Variants in PRKAR2A observed in about 807,000 individuals in gnomAD.
The protein encoded by PRKAR2A is protein kinase cAMP-dependent type II regulatory subunit alpha.
In PRKAR2A, 29 loss-of-function variants were observed where a neutral mutation model predicts 51.9. The observed-to-expected ratio is 0.56, with a 90% confidence interval of 0.42 to 0.76. The LOEUF (loss-of-function observed/expected upper bound fraction) is 0.76, where lower values mean the gene tolerates loss of function less well. Among genes scored for constraint, PRKAR2A ranks in the 30% least tolerant of loss-of-function variants. The pLI is 0.00. For synonymous variants in PRKAR2A, 178 were observed against 186.2 expected, an observed-to-expected ratio of 0.96 and a Z score of 0.36; for missense variants, 445 against 512.1, an observed-to-expected ratio of 0.87 and a Z score of 1.26.
rs201893828 is a variant in PRKAR2A, at chr3:48,786,128, G to T, written c.436-3036C>A. Among the ~76,000 whole-genome samples the T allele has an allele frequency of 1.0e-3, 137 of 135,334 alleles. 2 individuals are homozygous for T. The Middle Eastern group carries it at 0.019, about 19-fold the overall frequency. 88.8% of individuals were successfully genotyped at this position (135,334 alleles called of 152,430 possible). A position where few individuals can be genotyped will look rare whatever the true frequency, so the allele number is the denominator to read the frequency against. On this transcript the variant is annotated intron_variant, in intron 4 of 10. Transcript: ENST00000265563. ...TCTGGCAGTTTTTTGGTTTTTTTTT[G>T]TTTTTTTTTTTTTTGAGACAGAGTC...
chr3:48,838,761 G>C (rs900972033), intron 1 of PRKAR2A, among the ~76,000 whole-genome samples: 5 of 145,314 alleles, frequency 3.4e-5, no homozygotes, highest in Non-Finnish European at 7.5e-5. Context: ...GGCGGATCAC[G>C]AGGTCAGGAG....
At chr3:48,764,935 G>T in intron 8 of PRKAR2A, 69 bp downstream of exon 8, 1 of 1,420,456 alleles carries the variant, frequency 7.0e-7, no homozygotes, top group Non-Finnish European at 9.9e-7. Flanking sequence ...AGAAGTTTTT[G>T]AGATAAATGA....
intron 8 of PRKAR2A, among the ~76,000 whole-genome samples, chr3:48,757,148 A>T (rs909012745): frequency 2.0e-5 from 3 of 152,206 alleles, no homozygotes; most frequent in Non-Finnish European, 4.4e-5. Context: ...CAGAGTCACA[A>T]AGAGGGAGAG....
chr3:48,793,930 T>TA, intron 3 of PRKAR2A, 67 bp downstream of exon 3: 1 of 1,196,498 alleles, frequency 8.4e-7, no homozygotes, highest in South Asian at 1.3e-5. Context: ...GAGTTTTTGG[T>TA]ATGTAGAGAA....
chr3:48,773,601 G>C (rs1575858207), intron 5 of PRKAR2A, among the ~76,000 whole-genome samples: 1 of 151,894 alleles, frequency 6.6e-6, no homozygotes, highest in South Asian at 2.1e-4. Context: ...GCCTCCTAAA[G>C]TGCTGGGATT....
intron 6 of PRKAR2A, among the ~76,000 whole-genome samples, chr3:48,766,427 G>A (rs1255332143): frequency 6.6e-6 from 1 of 151,946 alleles, no homozygotes; most frequent in Non-Finnish European, 1.5e-5. Context: ...AATTAGCTGG[G>A]CATGGTGGCG....
chr3:48,755,676 C>T (rs1443858492), intron 9 of PRKAR2A, among the ~76,000 whole-genome samples: 6 of 150,886 alleles, frequency 4.0e-5, no homozygotes, highest in African/African-American at 9.8e-5. Context: ...GGCACAATCA[C>T]GGTTCACTGC....
At chr3:48,790,040 T>C (rs1434149976) in intron 4 of PRKAR2A, among the ~76,000 whole-genome samples, 1 of 152,114 alleles carries the variant, frequency 6.6e-6, no homozygotes, top group Non-Finnish European at 1.5e-5. Flanking sequence ...CCAGCATTGC[T>C]TCTCTTGTGC....
intron 2 of PRKAR2A, among the ~76,000 whole-genome samples, chr3:48,803,432 T>C (rs1004467809): frequency 5.9e-5 from 9 of 152,052 alleles, no homozygotes; most frequent in African/African-American, 2.2e-4. Context: ...TATTTGTTTA[T>C]TTGTTTATTT....
chr3:48,820,848 T>C (rs1398898370), intron 1 of PRKAR2A, among the ~76,000 whole-genome samples: 1 of 152,130 alleles, frequency 6.6e-6, no homozygotes, highest in African/African-American at 2.4e-5. Flanking sequence ...TGAGCTTGAC[T>C]CATGACCATT....
At chr3:48,804,048 G>A (rs2082631628) in intron 2 of PRKAR2A, among the ~76,000 whole-genome samples, 1 of 152,152 alleles carries the variant, frequency 6.6e-6, no homozygotes, top group Admixed American at 6.5e-5. Flanking sequence ...ATCATGAACT[G>A]AAAGTAAGAT....
intron 5 of PRKAR2A, among the ~76,000 whole-genome samples, chr3:48,776,780 G>A (rs2082112590): frequency 6.6e-6 from 1 of 152,184 alleles, no homozygotes. Context: ...GGCAGAGGTT[G>A]CAGTGAGCCA....
chr3:48,822,192 C>T (rs368975749), intron 1 of PRKAR2A, among the ~76,000 whole-genome samples: 1 of 111,068 alleles, frequency 9.0e-6, no homozygotes, highest in Non-Finnish European at 1.7e-5. Flanking sequence ...GCCTGGGTGA[C>T]GGGGCAAGAT....
At chr3:48,839,185 G>A (rs955244493) in intron 1 of PRKAR2A, among the ~76,000 whole-genome samples, 8 of 152,040 alleles carry the variant, frequency 5.3e-5, no homozygotes, top group African/African-American at 1.9e-4. Flanking sequence ...CTACTCGGGA[G>A]GCTGGGGCAG....
chr3:48,827,716 G>C (rs1445181485), intron 1 of PRKAR2A, among the ~76,000 whole-genome samples: 1 of 152,106 alleles, frequency 6.6e-6, no homozygotes, highest in East Asian at 1.9e-4. Flanking sequence ...GTGAGTGAGT[G>C]GTAAGTGAAT....
chr3:48,794,775 A>G (rs538676806), intron 2 of PRKAR2A, among the ~76,000 whole-genome samples: 1 of 152,296 alleles, frequency 6.6e-6, no homozygotes, highest in East Asian at 1.9e-4. Flanking sequence ...ATGGCATGCT[A>G]TCCCTTGCAG....
At chr3:48,776,136 T>C (rs1404329204) in intron 5 of PRKAR2A, among the ~76,000 whole-genome samples, 1 of 151,714 alleles carries the variant, frequency 6.6e-6, no homozygotes, top group Non-Finnish European at 1.5e-5. Context: ...AAACAAACGA[T>C]ACAATTATTT....
Position 48,764,994 on chromosome 3 carries a change from C to T in PRKAR2A, c.873+10G>A. The stretch of plus-strand genomic sequence containing the variant: ...TTCCAGGAAAGGAGCTGCGTAAAGC[C>T]CTCACTCACCTGAGTGATTATGCGT... On this transcript the variant is annotated intron_variant, in intron 8 of 10. Coordinates refer to ENST00000265563, the MANE Select transcript of PRKAR2A (RefSeq NM_004157.4). 6.2e-7 allele frequency: 1 copy of T among 1,610,318 alleles called. No homozygotes were observed. The highest frequency in any genetic ancestry group is 8.5e-7 in the Non-Finnish European group (1 of 1,176,612).
intron 1 of PRKAR2A, among the ~76,000 whole-genome samples, chr3:48,810,149 A>G (rs946529209): frequency 6.6e-6 from 1 of 152,138 alleles, no homozygotes; most frequent in Non-Finnish European, 1.5e-5. Context: ...TTTAAATGTA[A>G]ACTGCCTTTA....
Sources: allele counts gnomAD v4.1 joint callset (sites outside exome capture counted in the v4.1 genomes callset), GRCh38; gene constraint gnomAD v4.1.1; transcripts MANE v1.5; gene names NCBI Gene and HGNC (gene_info 2026-07-23, HGNC 2026-07-21).